The following TTN variants were observed in gnomAD, a reference collection of about 807,000 sequenced individuals.
TTN encodes the protein connectin.
TTN carries 1,525 observed loss-of-function variants against 3,223.0 expected under a neutral mutation model. The ratio of observed to expected loss-of-function variants is 0.47; its 90% CI spans 0.45 to 0.49. The LOEUF (loss-of-function observed/expected upper bound fraction) is 0.49, where lower values mean the gene tolerates loss of function less well. Ranked by LOEUF, TTN falls within the 20% of genes least tolerant of loss-of-function variation. The pLI, the probability that TTN is intolerant of heterozygous loss-of-function variation, is 0.00. For synonymous variants in TTN, 14,094 were observed against 15,161.0 expected (o/e 0.93, Z 5.17); for missense variants, 40,786 against 43,424.0 (o/e 0.94, Z 5.40).
At position 178,575,230 on chromosome 2, in the gene TTN, A is replaced by T. The variant is rs1401774602; in HGVS notation, c.70902T>A (p.Asp23634Glu). ...VKEQTMLPEL[D>E]LRGIYQKLVI... ...CCAGTTTCTGATAGATGCCACGGAG[A>T]TCCAGCTCTGGAAGCATTGTCTGCT... is the stretch of plus-strand genomic sequence containing the variant. The change falls in exon 326 of 363, where the codon GAT becomes GAA. Residue 23634 changes from aspartate to glutamate, a missense_variant. Asp to Glu is a conservative substitution (Grantham distance 45). Coordinates refer to ENST00000589042, the MANE Select transcript of TTN (RefSeq NM_001267550.2). The surrounding 1 kb of genome is among the most constrained non-coding windows in gnomAD (Gnocchi z 4.0). 1.2e-6 allele frequency: 2 copies of T among 1,613,012 alleles called. No individual in the cohort carries two copies. Among genetic ancestry groups the T allele is most frequent in the Non-Finnish European group, 8.5e-7 (1 of 1,179,496 alleles).
chr2:178,610,504 G>T, intron 270 of TTN, 115 bp from the exon 271 acceptor site: 2 of 1,129,114 alleles, frequency 1.8e-6, no homozygotes, highest in Non-Finnish European at 2.5e-6. Flanking sequence ...TTGATGTGCT[G>T]GAGTGTCATT....
At position 178,696,631 on chromosome 2, in the gene TTN, C is replaced by A. The variant is rs961622760; in HGVS notation, c.30803-362G>T. Among the ~76,000 whole-genome samples, 4 of 151,982 alleles carry A rather than the reference C, an allele frequency of 2.6e-5. No individual in the cohort carries two copies. In the East Asian group the frequency reaches 7.7e-4, roughly 29 times the overall value. On this transcript the variant is annotated intron_variant, in intron 113 of 362. Coordinates refer to ENST00000589042, the MANE Select transcript of TTN (RefSeq NM_001267550.2). The stretch of plus-strand genomic sequence containing the variant: ...ATGGAATTTATATTTCATATTTATA[C>A]AGTTAACCTTTTTAAAAAGTTCTGA...
chr2:178,736,208 T>G (rs935922232), intron 49 of TTN, 134 bp from the exon 50 acceptor site: 2 of 789,008 alleles, frequency 2.5e-6, no homozygotes, highest in African/African-American at 3.5e-5. Context: ...TGGAGTAATG[T>G]GTTAATAAGA....
rs770310501 is a variant in TTN, at chr2:178,731,487, G to A, written c.17279C>T (p.Thr5760Met). 18 of 1,613,474 alleles carry A rather than the reference G, an allele frequency of 1.1e-5. No individual in the cohort carries two copies. Among genetic ancestry groups the A allele is most frequent in the Middle Eastern group, 3.3e-4 (2 of 6,078 alleles). ...QATLKGSLPI[T>M]VTWLKDSDEI... ...ATCGCTGTCTTTTAGCCAAGTCACC[G>A]TAATTGGCAAGGAGCCCTTCAGAGT... The change falls in exon 59 of 363, where the codon ACG (threonine) becomes ATG (methionine). Residue 5760 changes from threonine (T) to methionine (M), a missense_variant. Thr to Met is a moderately conservative substitution (Grantham distance 81, BLOSUM62 -1). Transcript: ENST00000589042.
intron 250 of TTN, chr2:178,619,391 C>T (rs2057921253): frequency 5.3e-6 from 3 of 564,836 alleles, no homozygotes; most frequent in African/African-American, 3.8e-5. Flanking sequence ...CATAAATAGT[C>T]ATCATGTACT....
rs762589355 is a variant in TTN at position 178,710,941 on chromosome 2, GAC to G, written c.28175-21_28175-20del. 3.1e-6 allele frequency: 5 copies of G among 1,601,946 alleles called. No homozygotes were observed. The highest frequency in any genetic ancestry group is 2.2e-5 in the South Asian group (2 of 89,808). On this transcript the variant is annotated intron_variant, in intron 97 of 362. Coordinates refer to ENST00000589042, the MANE Select transcript of TTN (RefSeq NM_001267550.2). ...TTCCCCTCTAATAGTAGAGCAGAAAGACAAGGTTTCAGGCTCAATATCTGGAC... is the reference window on the plus strand; with the variant it reads ...TTCCCCTCTAATAGTAGAGCAGAAAGAAGGTTTCAGGCTCAATATCTGGAC...
At chr2:178,527,982 G>C in intron 361 of TTN, 1 of 536,662 alleles carries the variant, frequency 1.9e-6, no homozygotes, top group Non-Finnish European at 3.2e-6. Flanking sequence ...CAGGTGCTAG[G>C]AATCACTAGG....
rs1701799358 is a variant in TTN, at chr2:178,557,143, T to C, written c.88011A>G (p.Glu29337=). 1 of 1,613,282 alleles carries C rather than the reference T, an allele frequency of 6.2e-7. No homozygotes were observed. The highest frequency in any genetic ancestry group is 1.7e-5 in the Admixed American group (1 of 59,918). The stretch of plus-strand genomic sequence containing the variant: ...CAGTGATACGAACATTTCTTGGGGG[T>C]TCTGTGGTAATAAGAGAAGCAGATT... ...SEPVLAIDAC[E]PPRNVRITDI... The change falls in exon 330 of 363, where the codon GAA becomes GAG. Residue 29337 remains glutamate, a splice_region_variant and synonymous_variant. Transcript: ENST00000589042.
In TTN at chr2:178,577,671, T is replaced by C; in HGVS notation, c.68755A>G (p.Lys22919Glu). Residue 22919 changes from lysine to glutamate, a missense_variant, in exon 323 of 363, where the codon AAG becomes GAG. Lys to Glu is a moderately conservative substitution (Grantham distance 56). Transcript: ENST00000589042. Reference sequence around the variant, plus strand: ...GCACTGATAGCACCTGCTGTATTCTTTGCTCTAATTCTGAATTCATATTTT... The same window carrying C: ...GCACTGATAGCACCTGCTGTATTCTCTGCTCTAATTCTGAATTCATATTTT... ...GGKYEFRIRA[K>E]NTAGAISAPS... is the part of the protein sequence containing the mutation. 6.2e-7 allele frequency: 1 copy of C among 1,613,318 alleles called. No homozygotes were observed. Among genetic ancestry groups the C allele is most frequent in the Non-Finnish European group, 8.5e-7 (1 of 1,179,568 alleles).
intron 43 of TTN, 109 bp from the exon 44 acceptor site, chr2:178,759,281 C>G: frequency 9.0e-7 from 1 of 1,113,244 alleles, no homozygotes; most frequent in Admixed American, 1.9e-5. Flanking sequence ...TCATATTTGA[C>G]TTAATAACAT....
At position 178,607,994 on chromosome 2, in the gene TTN, C is replaced by T. The variant is rs1259638481; in HGVS notation, c.52793G>A (p.Gly17598Asp). Residue 17598 changes from glycine to aspartate, a missense_variant, in exon 276 of 363, where the codon GGT becomes GAT. By Grantham distance (94) the Gly-to-Asp change is moderately conservative. Transcript: ENST00000589042. ...LEWEPPAFNGGGEIVGYFVDK... is the reference protein window; with the variant it reads ...LEWEPPAFNGDGEIVGYFVDK... The stretch of plus-strand genomic sequence containing the variant: ...AACAAAATAGCCAACAATTTCCCCA[C>T]CACCATTGAAAGCTGGGGGTTCCCA... 3 of 1,612,964 alleles carry T rather than the reference C, an allele frequency of 1.9e-6. No homozygotes were observed. The South Asian group carries it at 3.3e-5, about 18-fold the overall frequency.
chr2:178,593,939 C>A, intron 297 of TTN, 22 bp downstream of exon 297: 3 of 1,611,522 alleles, frequency 1.9e-6, no homozygotes, highest in Non-Finnish European at 2.5e-6. Flanking sequence ...AAGATCTATT[C>A]TTTCCACTAA....
At position 178,594,351 on chromosome 2, in the gene TTN, A is replaced by T; in HGVS notation, c.58143T>A (p.Asp19381Glu). Residue 19381 changes from aspartate (D) to glutamate (E), a missense_variant, in exon 296 of 363, where the codon GAT becomes GAA. Transcript: ENST00000589042. ...ATTGTAGTAGACACATACCCAGCTC[A>T]TCCTTGCAAGTAATTGGTTTGGTGC... ...SFCTKPITCK[D>E]ELAPPTLHLD... The T allele has an allele frequency of 6.3e-7, 1 of 1,592,996 alleles. No individual in the cohort carries two copies.
At position 178,714,071 on chromosome 2, in the gene TTN, A is replaced by T. The variant is rs1298764368; in HGVS notation, c.26587T>A (p.Trp8863Arg). The T allele has an allele frequency of 6.2e-7, 1 of 1,613,414 alleles. No individual in the cohort carries two copies. Among genetic ancestry groups the T allele is most frequent in the African/African-American group, 1.3e-5 (1 of 74,848 alleles). The change falls in exon 92 of 363, where the codon TGG (tryptophan) becomes AGG (arginine). Residue 8863 changes from tryptophan (W) to arginine (R), a missense_variant. Trp to Arg is a moderately radical substitution (Grantham distance 101). Transcript: ENST00000589042. ...GTTAGCTCTTTTCCATCCTTAAACC[A>T]CTTAGTACTGAGTTCAGGGGTGCCA... ...VAGTPELSTKWFKDGKELTSD... is the reference protein window; with the variant it reads ...VAGTPELSTKRFKDGKELTSD...
At position 178,559,877 on chromosome 2, in the gene TTN, G is replaced by T. The variant is rs990975977; in HGVS notation, c.86255C>A (p.Pro28752His). 1 of 1,612,576 alleles carries T rather than the reference G, an allele frequency of 6.2e-7. No homozygotes were observed. The highest frequency in any genetic ancestry group is 1.3e-5 in the African/African-American group (1 of 74,860). Reference sequence around the variant, plus strand: ...CATTTCACTGTCAATATCAAATAAAGGTTCTTCTTCTCTTTCCTTTGCTAT... The same window carrying T: ...CATTTCACTGTCAATATCAAATAAATGTTCTTCTTCTCTTTCCTTTGCTAT... ...PQIAKEREEE[P>H]LFDIDSEMRK... Residue 28752 changes from proline (P) to histidine (H), a missense_variant, in exon 326 of 363, where the codon CCT becomes CAT. By Grantham distance (77) the Pro-to-His change is moderately conservative. Transcript: ENST00000589042.
chr2:178,702,759 AC>A, intron 106 of TTN, 96 bp from the exon 107 acceptor site: 1 of 1,272,798 alleles, frequency 7.9e-7, no homozygotes. Context: ...CCATCTTTGT[AC>A]CCAGTTATAA....
Position 178,732,100 on chromosome 2 carries a change from G to T in TTN, c.16869C>A (p.Gly5623=). Residue 5623 remains glycine (G), a synonymous_variant, in exon 57 of 363, where the codon GGC becomes GGA. Coordinates refer to ENST00000589042, the MANE Select transcript of TTN (RefSeq NM_001267550.2). The part of the protein sequence containing the change: ...EYMCEAQNEA[G]SDHCSSIVIV... ...TTACAATGCTACTGCAGTGGTCACTGCCAGCCTCATTTTGGGCCTCACACA... is the reference window on the plus strand; with the variant it reads ...TTACAATGCTACTGCAGTGGTCACTTCCAGCCTCATTTTGGGCCTCACACA... The T allele has an allele frequency of 6.2e-7, 1 of 1,612,540 alleles. No homozygotes were observed. Among genetic ancestry groups the T allele is most frequent in the Non-Finnish European group, 8.5e-7 (1 of 1,178,880 alleles).
rs1481106546 is a variant in TTN, at chr2:178,649,847, T to A, written c.39865A>T (p.Ile13289Phe). The A allele has an allele frequency of 6.2e-7, 1 of 1,612,694 alleles. No individual in the cohort carries two copies. Among genetic ancestry groups the A allele is most frequent in the South Asian group, 1.1e-5 (1 of 90,644 alleles). Residue 13289 changes from isoleucine (I) to phenylalanine (F), a missense_variant, in exon 211 of 363, where the codon ATC (isoleucine) becomes TTC (phenylalanine). Transcript: ENST00000589042. Reference protein sequence around the residue: ...KIIPEKKVPVIKKPEAPPPKE... With the variant: ...KIIPEKKVPVFKKPEAPPPKE... ...GGAGGCGGTGCTTCTGGTTTTTTGATGACAGGAACTTTCTTCTCTGGGATG... is the reference window on the plus strand; with the variant it reads ...GGAGGCGGTGCTTCTGGTTTTTTGAAGACAGGAACTTTCTTCTCTGGGATG...
intron 266 of TTN, 23 bp downstream of exon 266, chr2:178,612,254 A>G (rs1296112183): frequency 1.9e-6 from 3 of 1,607,474 alleles, no homozygotes; most frequent in East Asian, 2.2e-5. Flanking sequence ...TTATTGTCAC[A>G]AAGATTAAGT....
Sources: gnomAD v4.1 joint callset for allele counts (sites outside exome capture counted in the v4.1 genomes callset) on GRCh38, gnomAD v4.1.1 for gene constraint, Gnocchi (gnomAD v3.1) non-coding constraint, MANE v1.5 for transcripts, NCBI Gene and HGNC (gene_info 2026-07-23, HGNC 2026-07-21) for gene names.